The following RYR3 variants were observed in gnomAD, a reference collection of about 807,000 sequenced individuals.
The protein encoded by RYR3 is brain ryanodine receptor-calcium release channel.
Under a neutral mutation model 584.3 loss-of-function variants are expected in RYR3, and 207 were observed. The observed-to-expected ratio is 0.35, with a 90% confidence interval of 0.32 to 0.40. The LOEUF (loss-of-function observed/expected upper bound fraction) is 0.40. RYR3 is among the 10% of genes least tolerant of loss of function. RYR3 has a pLI of 1.00. For missense variants in RYR3, 5,616 were observed against 6,089.2 expected (o/e 0.92, Z 2.59); for synonymous variants, 2,416 against 2,248.5 (o/e 1.07, Z -2.11).
intron 40 of RYR3, among the ~76,000 whole-genome samples, chr15:33,699,287 TCTC>T (rs1357088328): frequency 8.8e-6 from 1 of 113,496 alleles, no homozygotes; most frequent in African/African-American, 3.4e-5. Context: ...CTCCTCACTC[TCTC>T]CTCTTTCTCT....
chr15:33,810,948 G>T, intron 71 of RYR3, 30 bp from the exon 72 acceptor site: 1 of 1,582,364 alleles, frequency 6.3e-7, no homozygotes, highest in African/African-American at 1.3e-5. Context: ...GGTGATCTCC[G>T]GGAATAAAAT....
intron 38 of RYR3, among the ~76,000 whole-genome samples, chr15:33,674,914 A>G (rs1299665687): frequency 2.2e-5 from 1 of 46,164 alleles, no homozygotes; most frequent in African/African-American, 6.2e-5. Context: ...TCAGAATGGA[A>G]AAAAAAAAAA....
intron 1 of RYR3, among the ~76,000 whole-genome samples, chr15:33,444,434 G>C (rs2046458425): frequency 6.6e-6 from 1 of 152,152 alleles, no homozygotes; most frequent in South Asian, 2.1e-4. Flanking sequence ...CCTACTCCTT[G>C]GTTATGTTTG....
At chr15:33,695,607 G>A (rs1035856970) in intron 38 of RYR3, among the ~76,000 whole-genome samples, 2 of 152,074 alleles carry the variant, frequency 1.3e-5, no homozygotes, top group African/African-American at 4.8e-5. Flanking sequence ...CCGTTGTAAA[G>A]CCTTTAGATC....
chr15:33,311,111 C>A lies in RYR3; in HGVS notation c.51+15C>A. The A allele has an allele frequency of 1.3e-6, 2 of 1,564,094 alleles. No homozygotes were observed. The highest frequency in any genetic ancestry group is 8.7e-7 in the Non-Finnish European group (1 of 1,155,774). On this transcript the variant is annotated intron_variant, in intron 1 of 103. Coordinates refer to ENST00000634891, the MANE Select transcript of RYR3 (RefSeq NM_001036.6). This position sits in a 1 kb window ranked among gnomAD's most constrained non-coding sequence, Gnocchi z 4.4. ...TTCTGAGGACTGTGAGTCTCCGCGG[C>A]GGGGGCGAGGCCGTGGGCAGGTGGG... is the stretch of plus-strand genomic sequence containing the variant.
At chr15:33,646,564 G>GTATCATTT in intron 29 of RYR3, 38 bp downstream of exon 29, 4 of 1,563,904 alleles carry the variant, frequency 2.6e-6, no homozygotes, top group Non-Finnish European at 2.6e-6. Flanking sequence ...GGCACTCATT[G>GTATCATTT]TATCTCCTGT....
intron 3 of RYR3, among the ~76,000 whole-genome samples, chr15:33,515,216 C>T (rs1163939018): frequency 6.6e-6 from 1 of 152,164 alleles, no homozygotes; most frequent in African/African-American, 2.4e-5. Context: ...GGAGCTGATT[C>T]TGTAAAACCT....
intron 16 of RYR3, among the ~76,000 whole-genome samples, chr15:33,588,043 A>G (rs917696416): frequency 2.6e-5 from 4 of 152,352 alleles, no homozygotes; most frequent in South Asian, 2.1e-4. Flanking sequence ...TAAAGCCACA[A>G]GGGACCTCAG....
intron 57 of RYR3, among the ~76,000 whole-genome samples, chr15:33,752,182 C>G (rs1254426977): frequency 6.6e-6 from 1 of 152,090 alleles, no homozygotes; most frequent in Non-Finnish European, 1.5e-5. Flanking sequence ...CAGCTTTGTT[C>G]TTTTTGCTTA....
intron 1 of RYR3, among the ~76,000 whole-genome samples, chr15:33,344,575 T>C (rs1972213165): frequency 1.3e-5 from 2 of 152,190 alleles, no homozygotes; most frequent in African/African-American, 4.8e-5. Context: ...AGGTGGAGTG[T>C]TTTTGTTCTG....
chr15:33,585,467 A>G (rs192893320), intron 15 of RYR3, among the ~76,000 whole-genome samples: 108 of 152,282 alleles, frequency 7.1e-4, no homozygotes, highest in African/African-American at 2.4e-3. Flanking sequence ...AAAAAGGGGG[A>G]AAAGCCAAAT....
At chr15:33,491,841 C>T (rs1215903529) in intron 2 of RYR3, among the ~76,000 whole-genome samples, 1 of 152,108 alleles carries the variant, frequency 6.6e-6, no homozygotes, top group African/African-American at 2.4e-5. Flanking sequence ...GACTGAGTCT[C>T]CTAATGGTTT....
At chr15:33,794,309 TTATATATATATA>T (rs1207598282) in intron 67 of RYR3, among the ~76,000 whole-genome samples, 6 of 97,936 alleles carry the variant, frequency 6.1e-5, no homozygotes, top group Non-Finnish European at 6.6e-5. Flanking sequence ...ATATATATTT[TTATATATATATA>T]TTTTTATATA....
chr15:33,854,485 C>G, intron 97 of RYR3, 36 bp downstream of exon 97: 1 of 1,508,366 alleles, frequency 6.6e-7, no homozygotes. Flanking sequence ...AATTCTATAC[C>G]CCAGTTCAGG....
Position 33,629,346 on chromosome 15 carries a change from A to C in RYR3, c.2680-594A>C, listed in dbSNP as rs188965319. The stretch of plus-strand genomic sequence containing the variant: ...TGGATTGAGATGTACTAAAAGTGTA[A>C]AATAGTCACCAGATTTTGAAGATTA... On this transcript the variant is annotated intron_variant, in intron 21 of 103. Coordinates refer to ENST00000634891, the MANE Select transcript of RYR3 (RefSeq NM_001036.6). Among the ~76,000 whole-genome samples, 9 of 152,374 alleles carry C rather than the reference A, an allele frequency of 5.9e-5. No homozygotes were observed. In the East Asian group the frequency reaches 1.5e-3, roughly 26 times the overall value.
At chr15:33,599,602 T>C (rs538850343) in intron 16 of RYR3, among the ~76,000 whole-genome samples, 15 of 152,330 alleles carry the variant, frequency 9.8e-5, no homozygotes, top group African/African-American at 3.1e-4. Context: ...AAATCAGATA[T>C]GCATCTATCT....
At chr15:33,596,746 A>G (rs1442201860) in intron 16 of RYR3, among the ~76,000 whole-genome samples, 1 of 152,176 alleles carries the variant, frequency 6.6e-6, no homozygotes, top group Admixed American at 6.5e-5. Context: ...AAGTAATTGC[A>G]GTTTGCCATT....
At chr15:33,605,438 T>C (rs1298581114) in intron 18 of RYR3, among the ~76,000 whole-genome samples, 7 of 152,206 alleles carry the variant, frequency 4.6e-5, no homozygotes, top group Non-Finnish European at 7.3e-5. Context: ...CAGTGGCTCC[T>C]GTAATTGGAG....
intron 1 of RYR3, among the ~76,000 whole-genome samples, chr15:33,424,593 G>C (rs2141646197): frequency 6.6e-6 from 1 of 152,262 alleles, no homozygotes; most frequent in South Asian, 2.1e-4. Flanking sequence ...CCATCTGCCT[G>C]ATTGAGCCAC....
Sources: gnomAD v4.1 joint callset for allele counts (sites outside exome capture counted in the v4.1 genomes callset) on GRCh38, gnomAD v4.1.1 for gene constraint, Gnocchi (gnomAD v3.1) non-coding constraint, MANE v1.5 for transcripts, NCBI Gene and HGNC (gene_info 2026-07-23, HGNC 2026-07-21) for gene names.